The following MAGI2 variants were observed in gnomAD, a reference collection of about 807,000 sequenced individuals.
MAGI2 encodes the protein membrane-associated guanylate kinase, WW and PDZ domain-containing protein 2.
Under a neutral mutation model 133.3 loss-of-function variants are expected in MAGI2, and 35 were observed. That is an observed-to-expected ratio of 0.26 (90% CI 0.20 to 0.35). The LOEUF is 0.35. Ranked by LOEUF, MAGI2 falls within the 10% of genes least tolerant of loss-of-function variation. The pLI is 1.00. For missense variants in MAGI2, 1,636 were observed against 1,863.4 expected (o/e 0.88, Z 2.25); for synonymous variants, 729 against 710.6 (o/e 1.03, Z -0.41).
chr7:78,440,142 G>C (rs1393312119), intron 6 of MAGI2, among the ~76,000 whole-genome samples: 1 of 151,812 alleles, frequency 6.6e-6, no homozygotes, highest in East Asian at 1.9e-4. Context: ...ATTTCTATCA[G>C]ACAGCCCTGC....
chr7:79,344,103 C>T (rs1043701791), intron 1 of MAGI2, among the ~76,000 whole-genome samples: 3 of 151,930 alleles, frequency 2.0e-5, no homozygotes, highest in Non-Finnish European at 4.4e-5. Context: ...TCCCCTGACC[C>T]CCAACTATAT....
intron 20 of MAGI2, among the ~76,000 whole-genome samples, chr7:78,107,749 C>T (rs535522614): frequency 6.6e-6 from 1 of 151,626 alleles, no homozygotes; most frequent in South Asian, 2.1e-4. Context: ...AGGAATTTAT[C>T]CATTTCTTCT....
chr7:78,592,261 T>C (rs188780666), intron 3 of MAGI2, among the ~76,000 whole-genome samples: 299 of 152,310 alleles, frequency 2.0e-3, no homozygotes, highest in African/African-American at 7.0e-3. Flanking sequence ...ATAGGTATTG[T>C]TGTGATATTT....
intron 1 of MAGI2, among the ~76,000 whole-genome samples, chr7:79,393,859 T>G (rs1269713706): frequency 6.6e-6 from 1 of 152,190 alleles, no homozygotes; most frequent in South Asian, 2.1e-4. Flanking sequence ...ATGACCCAGA[T>G]GTCCAAAATA....
chr7:79,113,973 A>G (rs1819169983), intron 1 of MAGI2, among the ~76,000 whole-genome samples: 1 of 151,958 alleles, frequency 6.6e-6, no homozygotes, highest in African/African-American at 2.4e-5. Flanking sequence ...GAGCAATTTC[A>G]TTTTCTAATG....
chr7:78,044,291 G>C (rs3807776), intron 21 of MAGI2, among the ~76,000 whole-genome samples: 3 of 152,096 alleles, frequency 2.0e-5, no homozygotes, highest in African/African-American at 7.2e-5. Context: ...ATGTGTGTAT[G>C]TCTGTATAGG....
intron 2 of MAGI2, among the ~76,000 whole-genome samples, chr7:78,886,992 G>A (rs1160107376): frequency 6.6e-6 from 1 of 152,006 alleles, no homozygotes; most frequent in African/African-American, 2.4e-5. Context: ...CCTTTGCTGG[G>A]CACTTCTCCT....
chr7:78,561,114 C>A (rs1442378841), intron 3 of MAGI2, among the ~76,000 whole-genome samples: 1 of 152,078 alleles, frequency 6.6e-6, no homozygotes, highest in African/African-American at 2.4e-5. Flanking sequence ...AGTAAATGAA[C>A]ACACACGTGT....
intron 4 of MAGI2, among the ~76,000 whole-genome samples, chr7:78,512,572 A>AT (rs1345098334): frequency 6.6e-6 from 1 of 152,020 alleles, no homozygotes; most frequent in East Asian, 1.9e-4. Context: ...CGATGGGCTG[A>AT]TTTTTTTATT....
intron 2 of MAGI2, among the ~76,000 whole-genome samples, chr7:78,835,600 A>T (rs111636116): frequency 6.6e-6 from 1 of 152,184 alleles, no homozygotes; most frequent in African/African-American, 2.4e-5. Context: ...TAACAATGTG[A>T]TCACAAACAA....
chr7:79,204,651 CAAAG>C (rs1828886935), intron 1 of MAGI2, among the ~76,000 whole-genome samples: 1 of 151,780 alleles, frequency 6.6e-6, no homozygotes, highest in Non-Finnish European at 1.5e-5. Flanking sequence ...ACCTGCTTGA[CAAAG>C]AATTCAAAAC....
At chr7:79,082,387 T>C (rs1482809777) in intron 1 of MAGI2, among the ~76,000 whole-genome samples, 1 of 152,038 alleles carries the variant, frequency 6.6e-6, no homozygotes, top group South Asian at 2.1e-4. Context: ...ATTTTTAGTT[T>C]ATATTTGTAC....
chr7:79,352,577 C>T (rs10264527), intron 1 of MAGI2, among the ~76,000 whole-genome samples: 2,357 of 152,320 alleles, frequency 0.015, 54 homozygotes, highest in African/African-American at 0.055. Flanking sequence ...CTGTAAGCCC[C>T]ACTCACACTG....
At chr7:78,885,266 C>T (rs1736543440) in intron 2 of MAGI2, among the ~76,000 whole-genome samples, 1 of 152,108 alleles carries the variant, frequency 6.6e-6, no homozygotes, top group Admixed American at 6.6e-5. Flanking sequence ...AGGAGATATA[C>T]TCATGTAACA....
At position 78,168,072 on chromosome 7, in the gene MAGI2, C is replaced by T. The variant is rs369496058; in HGVS notation, c.2440G>A (p.Asp814Asn). The T allele has an allele frequency of 2.5e-5, 40 of 1,613,898 alleles. No homozygotes were observed. The highest frequency in any genetic ancestry group is 1.6e-4 in the South Asian group (15 of 91,080). The change falls in exon 15 of 22, where the codon GAC (aspartate) becomes AAC (asparagine). Residue 814 changes from aspartate to asparagine, a missense_variant. By Grantham distance (23) the Asp-to-Asn change is conservative. This residue lies in a region of MAGI2 where 920 missense variants were observed against 1,093.5 expected (regional missense o/e 0.84). Transcript: ENST00000354212. The stretch of plus-strand genomic sequence containing the variant: ...CCTGGGTGAAGGCGGCCATCTCTGT[C>T]GGCTGAGCCCATGGCAATGACAGCT... ...IGAVIAMGSA[D>N]RDGRLHPGDE...
intron 1 of MAGI2, among the ~76,000 whole-genome samples, chr7:79,036,192 C>G (rs776954128): frequency 1.6e-4 from 25 of 152,206 alleles, no homozygotes; most frequent in Non-Finnish European, 3.1e-4. Flanking sequence ...AAATAACTTT[C>G]ACGGATAGCA....
intron 2 of MAGI2, among the ~76,000 whole-genome samples, chr7:78,721,499 T>A (rs1820265704): frequency 6.6e-6 from 1 of 152,002 alleles, no homozygotes; most frequent in Non-Finnish European, 1.5e-5. Flanking sequence ...AGAATAGATA[T>A]CCCCTTATCA....
intron 21 of MAGI2, among the ~76,000 whole-genome samples, chr7:78,030,445 C>G (rs551485988): frequency 6.6e-6 from 1 of 151,990 alleles, no homozygotes; most frequent in Non-Finnish European, 1.5e-5. Context: ...TTAGTAGAGA[C>G]GGGGTTTCAC....
intron 2 of MAGI2, among the ~76,000 whole-genome samples, chr7:78,771,914 AGT>A (rs1440726989): frequency 6.6e-6 from 1 of 152,194 alleles, no homozygotes; most frequent in Non-Finnish European, 1.5e-5. Context: ...TCTCTGTTTC[AGT>A]GTCTCTGTCT....
Sources: gnomAD v4.1 joint callset for allele counts (sites outside exome capture counted in the v4.1 genomes callset) on GRCh38, gnomAD v4.1.1 for gene constraint, gnomAD v4.1.1 regional missense constraint, MANE v1.5 for transcripts, NCBI Gene and HGNC (gene_info 2026-07-23, HGNC 2026-07-21) for gene names.